Variants in C2CD3 observed in about 807,000 individuals in gnomAD.
The protein encoded by C2CD3 is C2 domain-containing protein 3.
A neutral mutation model predicts 234.0 loss-of-function variants in C2CD3; 148 were observed. The ratio of observed to expected loss-of-function variants is 0.63; its 90% CI spans 0.55 to 0.72. C2CD3 has a LOEUF of 0.72. Ranked by LOEUF, C2CD3 falls within the 30% of genes least tolerant of loss-of-function variation. C2CD3 has a pLI of 0.00. For missense variants in C2CD3, 2,577 were observed against 2,811.5 expected (o/e 0.92, Z 1.89); for synonymous variants, 1,000 against 1,035.4 (o/e 0.97, Z 0.66).
intron 22 of C2CD3, among the ~76,000 whole-genome samples, chr11:74,082,357 C>T (rs941252873): frequency 3.9e-5 from 6 of 152,014 alleles, no homozygotes; most frequent in Admixed American, 1.3e-4. Flanking sequence ...CCTTGTGATC[C>T]GCCCACCTCG....
In C2CD3 at chr11:74,013,299, G is replaced by T; in HGVS notation, c.*86C>A. On this transcript the variant is annotated 3_prime_UTR_variant, in exon 33 of 33. Coordinates refer to ENST00000334126, the MANE Select transcript of C2CD3 (RefSeq NM_001286577.2). The stretch of plus-strand genomic sequence containing the variant: ...TTTCAGGACTGTGACAGCCCTGAAG[G>T]AGCCAGACCTGGTGCCTCCTGCAAG... 1 of 457,082 alleles carries T rather than the reference G, an allele frequency of 2.2e-6. No homozygotes were observed. Among genetic ancestry groups the T allele is most frequent in the South Asian group, 4.4e-5 (1 of 22,480 alleles). The allele number at this position is 457,082 out of a possible 1,614,324, so 28.3% of individuals were successfully genotyped here. A position where few individuals can be genotyped will look rare whatever the true frequency, so the allele number is the denominator to read the frequency against.
intron 24 of C2CD3, among the ~76,000 whole-genome samples, chr11:74,069,373 C>A (rs957157975): frequency 6.6e-6 from 1 of 152,180 alleles, no homozygotes; most frequent in Non-Finnish European, 1.5e-5. Context: ...GGCTGCTATA[C>A]CCCCCACAGG....
Position 74,034,140 on chromosome 11 carries a change from G to A in C2CD3, c.6020C>T (p.Pro2007Leu), listed in dbSNP as rs1952627039. Reference sequence around the variant, plus strand: ...GCCTTTATCTGGAGCTCTTACCAATGGCTCATCTGGCATTGTGCATCGTTC... The same window carrying A: ...GCCTTTATCTGGAGCTCTTACCAATAGCTCATCTGGCATTGTGCATCGTTC... Reference protein sequence around the residue: ...LQERCTMPDEPLVRAPDKGTD... With the variant: ...LQERCTMPDELLVRAPDKGTD... The change falls in exon 31 of 33, where the codon CCA becomes CTA. Residue 2007 changes from proline to leucine, a missense_variant. By Grantham distance (98) the Pro-to-Leu change is moderately conservative. Coordinates refer to ENST00000334126, the MANE Select transcript of C2CD3 (RefSeq NM_001286577.2). The A allele has an allele frequency of 6.5e-6, 10 of 1,536,168 alleles. No individual in the cohort carries two copies. Among genetic ancestry groups the A allele is most frequent in the Admixed American group, 2.0e-5 (1 of 50,992 alleles).
At chr11:74,143,423 A>G (rs10898958) in intron 3 of C2CD3, among the ~76,000 whole-genome samples, 42,750 of 151,134 alleles carry the variant, frequency 0.28, 7,046 homozygotes, top group African/African-American at 0.46. Flanking sequence ...TGTGATCATA[A>G]CTCACTGTAA....
Position 74,133,533 on chromosome 11 carries a change from A to G in C2CD3, c.980T>C (p.Leu327Pro). The G allele has an allele frequency of 1.2e-6, 2 of 1,614,074 alleles. No individual in the cohort carries two copies. Among genetic ancestry groups the G allele is most frequent in the South Asian group, 2.2e-5 (2 of 91,080 alleles). ...LSALLEQGNKLRNAMVISAMK... is the reference protein window; with the variant it reads ...LSALLEQGNKPRNAMVISAMK... ...TGCAGAAATCACCATGGCATTACGC[A>G]GTTTATTGCCTTGTTCTAACAGAGC... Residue 327 changes from leucine to proline, a missense_variant, in exon 6 of 33, where the codon CTG (leucine) becomes CCG (proline). Leu to Pro is a moderately conservative substitution (Grantham distance 98). Transcript: ENST00000334126.
chr11:74,152,746 G>A (rs1855744594), intron 3 of C2CD3, among the ~76,000 whole-genome samples: 1 of 152,044 alleles, frequency 6.6e-6, no homozygotes, highest in Non-Finnish European at 1.5e-5. Flanking sequence ...CAATAAAATA[G>A]GCCATATTAA....
intron 3 of C2CD3, among the ~76,000 whole-genome samples, chr11:74,148,406 T>C (rs1464891390): frequency 5.3e-5 from 8 of 151,604 alleles, no homozygotes. Flanking sequence ...ATCTTATATA[T>C]GTATATATAC....
In C2CD3 at chr11:74,078,437, G is replaced by A. The variant is rs1340103581; in HGVS notation, c.4281C>T (p.Asn1427=). ...AGCAATATGTATTCTTATGAATGTG[G>A]TTGTGGCCAGCAAGCAGCACACAAT... ...PIHCVLLAGH[N]HIHKNTYCYL... The change falls in exon 23 of 33, where the codon AAC becomes AAT. Residue 1427 remains asparagine (N), a synonymous_variant. Transcript: ENST00000334126. 6.2e-7 allele frequency: 1 copy of A among 1,614,042 alleles called. No homozygotes were observed. Among genetic ancestry groups the A allele is most frequent in the Non-Finnish European group, 8.5e-7 (1 of 1,180,034 alleles).
At position 74,160,640 on chromosome 11, in the gene C2CD3, C is replaced by A. The variant is rs114858673; in HGVS notation, c.483+759G>T. On this transcript the variant is annotated intron_variant, in intron 3 of 32. Transcript: ENST00000334126. The stretch of plus-strand genomic sequence containing the variant: ...GGTTGGTCAATGGGTACTATCGTAC[C>A]GTTAGGAGGAATAAATTCTGGTGTT... Among the ~76,000 whole-genome samples, 214 of 152,006 alleles carry A rather than the reference C, an allele frequency of 1.4e-3. 2 individuals are homozygous for A. Among genetic ancestry groups the A allele is most frequent in the African/African-American group, 4.0e-3 (166 of 41,442 alleles).
intron 3 of C2CD3, among the ~76,000 whole-genome samples, chr11:74,150,776 C>T (rs1243569820): frequency 6.6e-6 from 1 of 151,878 alleles, no homozygotes; most frequent in Non-Finnish European, 1.5e-5. Context: ...ACCATTATCA[C>T]ATTTAAAAAA....
chr11:74,063,441 G>A (rs1240510889), intron 24 of C2CD3, among the ~76,000 whole-genome samples: 2 of 151,848 alleles, frequency 1.3e-5, no homozygotes, highest in Non-Finnish European at 2.9e-5. Context: ...TGATCAAGTT[G>A]GCTCCATCCC....
chr11:74,116,221 T>C (rs1460577213), intron 9 of C2CD3, among the ~76,000 whole-genome samples: 2 of 152,124 alleles, frequency 1.3e-5, no homozygotes, highest in African/African-American at 4.8e-5. Flanking sequence ...TCACAATCTA[T>C]ACATCTGACA....
chr11:74,057,732 A>G (rs1419171594), intron 24 of C2CD3, among the ~76,000 whole-genome samples, 188 bp from the exon 25 acceptor site: 1 of 152,078 alleles, frequency 6.6e-6, no homozygotes, highest in Non-Finnish European at 1.5e-5. Flanking sequence ...GCACGTTGGG[A>G]GACCAAGGTA....
At chr11:74,040,632 T>C (rs1164190008) in intron 29 of C2CD3, among the ~76,000 whole-genome samples, 2 of 152,050 alleles carry the variant, frequency 1.3e-5, no homozygotes, top group African/African-American at 4.8e-5. Context: ...TATGGGCACC[T>C]GTAATCCCAG....
chr11:74,118,932 G>C (rs1218767358), intron 8 of C2CD3, among the ~76,000 whole-genome samples: 1 of 138,896 alleles, frequency 7.2e-6, no homozygotes, highest in African/African-American at 2.8e-5. Context: ...TTTTGAGACA[G>C]GGTCTCACCG....
At chr11:74,093,341 T>C (rs1309527718) in intron 18 of C2CD3, among the ~76,000 whole-genome samples, 1 of 147,956 alleles carries the variant, frequency 6.8e-6, no homozygotes, top group Admixed American at 6.8e-5. Flanking sequence ...ATTTATATAT[T>C]TGTTATATAT....
At chr11:74,094,873 C>T (rs1445576620) in intron 17 of C2CD3, among the ~76,000 whole-genome samples, 3 of 152,028 alleles carry the variant, frequency 2.0e-5, no homozygotes, top group Non-Finnish European at 4.4e-5. Context: ...GGTGGCTTTA[C>T]AGAACAGAAC....
chr11:74,072,728 T>TA (rs1954859870), intron 24 of C2CD3, among the ~76,000 whole-genome samples: 1 of 151,212 alleles, frequency 6.6e-6, no homozygotes, highest in Non-Finnish European at 1.5e-5. Context: ...TTTTTTTTAC[T>TA]GTTTTATCCC....
At chr11:74,030,806 G>A (rs1207180273) in intron 31 of C2CD3, among the ~76,000 whole-genome samples, 8 of 152,062 alleles carry the variant, frequency 5.3e-5, no homozygotes, top group Admixed American at 4.6e-4. Context: ...AATCTGCATC[G>A]TCTCCCAAAC....
Sources: allele counts gnomAD v4.1 joint callset (sites outside exome capture counted in the v4.1 genomes callset), GRCh38; gene constraint gnomAD v4.1.1; transcripts MANE v1.5; gene names NCBI Gene and HGNC (gene_info 2026-07-23, HGNC 2026-07-21).